CTNNA3: variants seen among roughly 807,000 people sequenced by gnomAD.
CTNNA3 encodes the protein catenin alpha 3.
In CTNNA3, 76 loss-of-function variants were observed where a neutral mutation model predicts 95.7. The observed-to-expected ratio is 0.79, with a 90% CI of 0.66 to 0.96. CTNNA3 has a LOEUF of 0.96. Ranked by LOEUF, CTNNA3 falls within the 40% of genes least tolerant of loss-of-function variation. The probability of loss-of-function intolerance (pLI) is 0.00; values close to 1 mark genes in which losing one functional copy is unlikely to be tolerated. For synonymous variants in CTNNA3, 431 were observed against 374.4 expected, an observed-to-expected ratio of 1.15 and a Z score of -1.74; for missense variants, 1,191 against 1,089.8, an observed-to-expected ratio of 1.09 and a Z score of -1.31.
rs141498050 is a variant in CTNNA3 at position 67,722,985 on chromosome 10, CTTT to C, written c.-2+40446_-2+40448del. On this transcript the variant is annotated intron_variant, in intron 1 of 17. Transcript: ENST00000684154. ...AGAATAACAATTATATCTTTCAGCTCTTTTTTTTTTTTTTTTTTTGAGACAGAG... is the reference window on the plus strand; with the variant it reads ...AGAATAACAATTATATCTTTCAGCTCTTTTTTTTTTTTTTTTGAGACAGAG... Among the ~76,000 whole-genome samples the C allele has an allele frequency of 1.8e-3, 216 of 118,658 alleles. 1 individual carries two copies. The East Asian group carries it at 0.025, about 13-fold the overall frequency. 77.8% of individuals were successfully genotyped at this position (118,658 alleles called of 152,430 possible).
intron 1 of CTNNA3, among the ~76,000 whole-genome samples, chr10:67,737,161 T>A (rs1369489136): frequency 6.6e-6 from 1 of 151,902 alleles, no homozygotes; most frequent in Non-Finnish European, 1.5e-5. Flanking sequence ...CACAATGGAC[T>A]AAAACTAGAA....
intron 16 of CTNNA3, among the ~76,000 whole-genome samples, chr10:65,981,420 T>C (rs1178055849): frequency 2.0e-5 from 3 of 151,736 alleles, no homozygotes; most frequent in Non-Finnish European, 4.4e-5. Context: ...TGACCAGACT[T>C]CCAAAAGCAT....
At chr10:67,726,524 TTA>T (rs1192085206) in intron 1 of CTNNA3, among the ~76,000 whole-genome samples, 48 of 66,840 alleles carry the variant, frequency 7.2e-4, no homozygotes, top group African/African-American at 2.2e-3. Flanking sequence ...TTATATTATA[TTA>T]TATATATTAT....
At chr10:67,256,083 A>G (rs982117588) in intron 5 of CTNNA3, among the ~76,000 whole-genome samples, 3 of 152,132 alleles carry the variant, frequency 2.0e-5, no homozygotes, top group Admixed American at 2.0e-4. Flanking sequence ...TAGACCCTTA[A>G]ATTATATTAT....
At chr10:67,134,971 C>T (rs1240448527) in intron 7 of CTNNA3, among the ~76,000 whole-genome samples, 1 of 152,034 alleles carries the variant, frequency 6.6e-6, no homozygotes, top group African/African-American at 2.4e-5. Context: ...CATAGGCAGA[C>T]ACCATTCCAT....
At chr10:66,997,609 G>C (rs1851429199) in intron 7 of CTNNA3, among the ~76,000 whole-genome samples, 1 of 151,982 alleles carries the variant, frequency 6.6e-6, no homozygotes, top group Admixed American at 6.6e-5. Context: ...CTAAATTCAG[G>C]GTTCTGGATG....
At chr10:66,447,023 C>A (rs1413026872) in intron 11 of CTNNA3, among the ~76,000 whole-genome samples, 1 of 151,626 alleles carries the variant, frequency 6.6e-6, no homozygotes, top group Admixed American at 6.6e-5. Context: ...CATTCTTATA[C>A]ACCAATAACA....
At chr10:67,537,188 T>G (rs953532821) in intron 4 of CTNNA3, among the ~76,000 whole-genome samples, 7 of 152,306 alleles carry the variant, frequency 4.6e-5, no homozygotes, top group Non-Finnish European at 7.4e-5. Context: ...GTATCTAACT[T>G]ACTTTAATAA....
At chr10:65,981,749 G>C (rs1589212884) in intron 16 of CTNNA3, among the ~76,000 whole-genome samples, 1 of 151,794 alleles carries the variant, frequency 6.6e-6, no homozygotes, top group Non-Finnish European at 1.5e-5. Flanking sequence ...AGTGAAGAAA[G>C]GACACCCTAT....
intron 16 of CTNNA3, among the ~76,000 whole-genome samples, chr10:65,973,882 A>T (rs914498521): frequency 2.6e-5 from 4 of 152,100 alleles, no homozygotes; most frequent in African/African-American, 9.7e-5. Flanking sequence ...AACATTGGGG[A>T]TTGCATTTCA....
chr10:66,869,427 G>T (rs1844309543), intron 7 of CTNNA3, among the ~76,000 whole-genome samples: 1 of 151,894 alleles, frequency 6.6e-6, no homozygotes, highest in Non-Finnish European at 1.5e-5. Flanking sequence ...ACAAAAATTA[G>T]CCCAGTGTGG....
At chr10:66,712,157 T>C (rs1382188583) in intron 9 of CTNNA3, among the ~76,000 whole-genome samples, 2 of 152,134 alleles carry the variant, frequency 1.3e-5, no homozygotes, top group African/African-American at 4.8e-5. Flanking sequence ...CTGCAAATCT[T>C]AGAAAGGGAA....
At chr10:66,222,483 A>G (rs1265236918) in intron 13 of CTNNA3, among the ~76,000 whole-genome samples, 1 of 152,014 alleles carries the variant, frequency 6.6e-6, no homozygotes, top group African/African-American at 2.4e-5. Context: ...CATTTATTAA[A>G]AAATATTTCA....
At chr10:67,479,007 AAAG>A (rs1453194832) in intron 5 of CTNNA3, among the ~76,000 whole-genome samples, 4 of 152,176 alleles carry the variant, frequency 2.6e-5, no homozygotes, top group African/African-American at 2.4e-5. Flanking sequence ...AAAAGAAGAC[AAAG>A]AAGGTTATTA....
At chr10:67,705,794 A>G (rs1841075138) in intron 1 of CTNNA3, among the ~76,000 whole-genome samples, 1 of 151,562 alleles carries the variant, frequency 6.6e-6, no homozygotes, top group South Asian at 2.1e-4. Flanking sequence ...TAAAAAAAAA[A>G]AAGAAAGAAA....
intron 7 of CTNNA3, among the ~76,000 whole-genome samples, chr10:66,918,259 T>G (rs886936173): frequency 2.3e-4 from 35 of 152,210 alleles, no homozygotes; most frequent in African/African-American, 8.0e-4. Context: ...TGTGATGGGA[T>G]GTGAAGAACA....
chr10:66,605,153 C>A (rs1844074321), intron 10 of CTNNA3, among the ~76,000 whole-genome samples: 1 of 152,128 alleles, frequency 6.6e-6, no homozygotes, highest in Non-Finnish European at 1.5e-5. Context: ...ACAAGAATTT[C>A]ATAATGCCAT....
chr10:66,675,857 A>C (rs1846834497), intron 9 of CTNNA3, among the ~76,000 whole-genome samples: 1 of 152,122 alleles, frequency 6.6e-6, no homozygotes. Flanking sequence ...CTATGACAGA[A>C]TATTTGGGAG....
intron 2 of CTNNA3, among the ~76,000 whole-genome samples, chr10:67,609,141 C>A (rs1843377225): frequency 7.1e-6 from 1 of 141,302 alleles, no homozygotes; most frequent in African/African-American, 2.7e-5. Context: ...TCTTGGATCA[C>A]AATTACAAGT....
Sources: gnomAD v4.1 joint callset for allele counts (sites outside exome capture counted in the v4.1 genomes callset) on GRCh38, gnomAD v4.1.1 for gene constraint, MANE v1.5 for transcripts, NCBI Gene and HGNC (gene_info 2026-07-23, HGNC 2026-07-21) for gene names.